Variants in CHSY1 observed in about 807,000 individuals in gnomAD.
The protein encoded by CHSY1 is chondroitin sulfate synthase 1.
In CHSY1, 13 loss-of-function variants were observed where a neutral mutation model predicts 59.8. That is an observed-to-expected ratio of 0.22 (90% CI 0.14 to 0.35). The LOEUF is 0.35. Ranked by LOEUF, CHSY1 falls within the 10% of genes least tolerant of loss-of-function variation. The probability of loss-of-function intolerance (pLI) is 1.00; values close to 1 mark genes in which losing one functional copy is unlikely to be tolerated. For missense variants in CHSY1, 947 were observed against 1,030.6 expected, an observed-to-expected ratio of 0.92 and a Z score of 1.11; for synonymous variants, 459 against 401.2, an observed-to-expected ratio of 1.14 and a Z score of -1.72.
intron 2 of CHSY1, among the ~76,000 whole-genome samples, chr15:101,228,674 A>G (rs1209935459): frequency 6.6e-6 from 1 of 152,212 alleles, no homozygotes; most frequent in Non-Finnish European, 1.5e-5. Flanking sequence ...GGACATTCCA[A>G]GAGAAACAAA....
At chr15:101,247,584 C>T (rs181946304) in intron 1 of CHSY1, among the ~76,000 whole-genome samples, 3 of 152,312 alleles carry the variant, frequency 2.0e-5, no homozygotes, top group Admixed American at 1.3e-4. Flanking sequence ...TCCTAAGTAA[C>T]GAATCAGGAT....
chr15:101,235,240 T>C lies in CHSY1; in HGVS notation c.658A>G (p.Met220Val). 6.2e-7 allele frequency: 1 copy of C among 1,614,116 alleles called. No homozygotes were observed. The highest frequency in any genetic ancestry group is 8.5e-7 in the Non-Finnish European group (1 of 1,180,004). The change falls in exon 2 of 3, where the codon ATG becomes GTG. Residue 220 changes from methionine (M) to valine (V), a missense_variant. By Grantham distance (21) the Met-to-Val change is conservative. Coordinates refer to ENST00000254190, the MANE Select transcript of CHSY1 (RefSeq NM_014918.5). ...CTCATGATCACGCCAGGCCCCCCCA[T>C]GCAGAAGTTCTCACCAGGCTCCAGG... ...LALEPGENFC[M>V]GGPGVIMSRE...
chr15:101,241,681 A>C (rs1485380484), intron 1 of CHSY1, among the ~76,000 whole-genome samples: 1 of 152,248 alleles, frequency 6.6e-6, no homozygotes. Context: ...TGAGTTCCCC[A>C]AAATCACTAT....
At chr15:101,239,150 T>C (rs559194396) in intron 1 of CHSY1, among the ~76,000 whole-genome samples, 2 of 152,334 alleles carry the variant, frequency 1.3e-5, no homozygotes, top group South Asian at 4.1e-4. Context: ...TCTTTGAAAA[T>C]GTAAATAATT....
intron 2 of CHSY1, among the ~76,000 whole-genome samples, chr15:101,210,959 A>G (rs573899498): frequency 6.6e-6 from 1 of 152,242 alleles, no homozygotes; most frequent in African/African-American, 2.4e-5. Flanking sequence ...GAAGTTTAGC[A>G]GACAATATTA....
intron 1 of CHSY1, among the ~76,000 whole-genome samples, chr15:101,243,907 G>T (rs569541087): frequency 6.6e-6 from 1 of 152,188 alleles, no homozygotes. Flanking sequence ...CGAGCAAAGT[G>T]TAACAGTCTT....
chr15:101,206,912 GTCTC>G (rs766710490), intron 2 of CHSY1, among the ~76,000 whole-genome samples: 5 of 152,154 alleles, frequency 3.3e-5, no homozygotes, highest in Admixed American at 6.5e-5. Context: ...CATAAAAAAA[GTCTC>G]TCTCCCAGAC....
chr15:101,195,822 C>CAAAA (rs777935360), intron 2 of CHSY1, among the ~76,000 whole-genome samples: 1 of 74,384 alleles, frequency 1.3e-5, no homozygotes. Flanking sequence ...GACTCCGTCT[C>CAAAA]AAAAAAAAAA....
At chr15:101,208,814 T>G (rs1378946588) in intron 2 of CHSY1, among the ~76,000 whole-genome samples, 1 of 151,786 alleles carries the variant, frequency 6.6e-6, no homozygotes, top group African/African-American at 2.4e-5. Context: ...TGGTAAGAGA[T>G]TATAACTCAT....
chr15:101,228,475 G>A (rs1417784887), intron 2 of CHSY1, among the ~76,000 whole-genome samples: 9 of 152,036 alleles, frequency 5.9e-5, no homozygotes, highest in Non-Finnish European at 2.9e-5. Context: ...AGCAAGAAAA[G>A]CAACTCATGA....
intron 2 of CHSY1, among the ~76,000 whole-genome samples, chr15:101,229,366 GA>G (rs200813492): frequency 0.013 from 2,032 of 152,216 alleles, 39 homozygotes; most frequent in Non-Finnish European, 0.018. Context: ...GTAAAAGGAT[GA>G]AAAAAGATAT....
At chr15:101,211,903 C>A (rs1392504600) in intron 2 of CHSY1, among the ~76,000 whole-genome samples, 1 of 150,700 alleles carries the variant, frequency 6.6e-6, no homozygotes. Flanking sequence ...GAATTCTATA[C>A]CTAGAAAATA....
chr15:101,201,646 G>A (rs2038575254), intron 2 of CHSY1, among the ~76,000 whole-genome samples: 1 of 152,226 alleles, frequency 6.6e-6, no homozygotes, highest in African/African-American at 2.4e-5. Context: ...TGAGTCACTG[G>A]ATGGCAGGAT....
chr15:101,219,390 G>A (rs1307857861), intron 2 of CHSY1, among the ~76,000 whole-genome samples: 2 of 152,184 alleles, frequency 1.3e-5, no homozygotes, highest in Non-Finnish European at 2.9e-5. Flanking sequence ...CTGAGGCCCT[G>A]GTAGATTTCT....
At chr15:101,179,098 C>T in intron 2 of CHSY1, 118 bp from the exon 3 acceptor site, 1 of 1,000,210 alleles carries the variant, frequency 1.0e-6, no homozygotes, top group Non-Finnish European at 1.5e-6. Flanking sequence ...ACACAAAAGG[C>T]CCTAGATAAG....
At chr15:101,184,383 A>ATT (rs71287809) in intron 2 of CHSY1, among the ~76,000 whole-genome samples, 15 of 144,950 alleles carry the variant, frequency 1.0e-4, no homozygotes, top group Admixed American at 2.7e-4. Context: ...TATATATATA[A>ATT]TTTTTTTTTT....
chr15:101,235,051 T>A, intron 2 of CHSY1, 31 bp downstream of exon 2: 1 of 1,609,894 alleles, frequency 6.2e-7, no homozygotes, highest in Non-Finnish European at 8.5e-7. Context: ...CAAAATTAAG[T>A]TTTTCCCATG....
rs137869974 is a variant in CHSY1 at position 101,190,875 on chromosome 15, G to A, written c.817-11895C>T. On this transcript the variant is annotated intron_variant, in intron 2 of 2. Coordinates refer to ENST00000254190, the MANE Select transcript of CHSY1 (RefSeq NM_014918.5). ...TCAGGGAGATGCAAATTCAAACAAC[G>A]AGATGCCACGACACACCTAGTAGAA... Among the ~76,000 whole-genome samples, 30 of 152,260 alleles carry A rather than the reference G, an allele frequency of 2.0e-4. No individual in the cohort carries two copies. In the East Asian group the frequency reaches 5.2e-3, roughly 26 times the overall value.
At chr15:101,248,657 G>C (rs981205370) in intron 1 of CHSY1, among the ~76,000 whole-genome samples, 1 of 152,208 alleles carries the variant, frequency 6.6e-6, no homozygotes, top group Non-Finnish European at 1.5e-5. Context: ...ATGAGATTAA[G>C]TCTTACATCC....
Sources: allele counts gnomAD v4.1 joint callset (sites outside exome capture counted in the v4.1 genomes callset), GRCh38; gene constraint gnomAD v4.1.1; transcripts MANE v1.5; gene names NCBI Gene and HGNC (gene_info 2026-07-23, HGNC 2026-07-21).